The following CDKAL1 variants were observed in gnomAD, a reference collection of about 807,000 sequenced individuals.
CDKAL1 encodes CDKAL1 threonylcarbamoyladenosine tRNA methylthiotransferase.
In CDKAL1, 32 loss-of-function variants were observed where a neutral mutation model predicts 68.2. That is an observed-to-expected ratio of 0.47 (90% CI 0.35 to 0.63). The LOEUF (loss-of-function observed/expected upper bound fraction) is 0.63. Ranked by LOEUF, CDKAL1 falls within the 30% of genes least tolerant of loss-of-function variation. CDKAL1 has a pLI of 0.00. For synonymous variants in CDKAL1, 234 were observed against 244.3 expected (o/e 0.96, Z 0.39); for missense variants, 606 against 696.7 (o/e 0.87, Z 1.47).
intron 4 of CDKAL1, among the ~76,000 whole-genome samples, chr6:20,645,455 G>T (rs1278356543): frequency 1.3e-5 from 2 of 151,994 alleles, no homozygotes; most frequent in African/African-American, 2.4e-5. Context: ...CTTATGGCCA[G>T]GCGCAGTGGC....
At chr6:20,901,125 G>A (rs746071048) in intron 9 of CDKAL1, among the ~76,000 whole-genome samples, 147 of 152,210 alleles carry the variant, frequency 9.7e-4, no homozygotes, top group Non-Finnish European at 1.7e-3. Flanking sequence ...GGCCAGGAGA[G>A]GACAGGAGAA....
chr6:20,746,098 G>A lies in CDKAL1; in HGVS notation c.468+6483G>A, dbSNP rs149264228. Among the ~76,000 whole-genome samples, 489 of 152,258 alleles carry A rather than the reference G, an allele frequency of 3.2e-3. 3 individuals carry two copies. Among genetic ancestry groups the A allele is most frequent in the African/African-American group, 0.011 (454 of 41,556 alleles). ...CCTTTACCCCTCCCCGCTACAGAAA[G>A]TTTAATCGGTATTTTAGTTGCATTT... On this transcript the variant is annotated intron_variant, in intron 6 of 15. Transcript: ENST00000274695.
intron 12 of CDKAL1, among the ~76,000 whole-genome samples, chr6:21,094,100 G>A (rs79960249): frequency 0.025 from 3,825 of 152,076 alleles, 160 homozygotes; most frequent in African/African-American, 0.087. Context: ...ATATAATTAG[G>A]TATTACTTGG....
intron 5 of CDKAL1, among the ~76,000 whole-genome samples, chr6:20,729,699 C>T (rs62397654): frequency 0.041 from 6,271 of 152,230 alleles, 140 homozygotes; most frequent in Middle Eastern, 0.075. Flanking sequence ...AGTAATTCCC[C>T]TATGGTTATA....
intron 8 of CDKAL1, chr6:20,800,839 C>G (rs531540445): frequency 1.3e-5 from 2 of 152,698 alleles, no homozygotes; most frequent in East Asian, 3.9e-4. Flanking sequence ...GTCTTGAACT[C>G]CTGGGCTCAA....
At chr6:20,819,582 T>C (rs1561804259) in intron 8 of CDKAL1, among the ~76,000 whole-genome samples, 6 of 152,174 alleles carry the variant, frequency 3.9e-5, no homozygotes, top group Admixed American at 2.6e-4. Flanking sequence ...AACTAGATGT[T>C]ATCCTAAGAT....
At chr6:20,543,184 C>G (rs1220351437) in intron 2 of CDKAL1, among the ~76,000 whole-genome samples, 1 of 152,118 alleles carries the variant, frequency 6.6e-6, no homozygotes, top group East Asian at 1.9e-4. Flanking sequence ...GATAATTGCC[C>G]AGGAGTACAA....
intron 13 of CDKAL1, among the ~76,000 whole-genome samples, chr6:21,137,315 T>C (rs1775656651): frequency 6.6e-6 from 1 of 152,258 alleles, no homozygotes; most frequent in Non-Finnish European, 1.5e-5. Context: ...TTAATCATAG[T>C]TGATTAACCT....
At chr6:21,057,877 CTGTT>C (rs1239771500) in intron 11 of CDKAL1, among the ~76,000 whole-genome samples, 6 of 152,132 alleles carry the variant, frequency 3.9e-5, no homozygotes, top group Non-Finnish European at 5.9e-5. Context: ...GTCTAAGAGA[CTGTT>C]TGTTATGATT....
At chr6:21,140,657 A>G (rs1436100738) in intron 13 of CDKAL1, among the ~76,000 whole-genome samples, 1 of 152,144 alleles carries the variant, frequency 6.6e-6, no homozygotes, top group South Asian at 2.1e-4. Context: ...GAGATGCTAA[A>G]CATGCTAAAT....
At chr6:20,972,811 G>A (rs1293168992) in intron 10 of CDKAL1, among the ~76,000 whole-genome samples, 1 of 152,172 alleles carries the variant, frequency 6.6e-6, no homozygotes, top group Non-Finnish European at 1.5e-5. Context: ...CATGGGCCTG[G>A]ATGTTCTGCT....
At chr6:20,585,079 C>T (rs575308652) in intron 4 of CDKAL1, among the ~76,000 whole-genome samples, 53 of 130,252 alleles carry the variant, frequency 4.1e-4, no homozygotes, top group African/African-American at 1.4e-3. Context: ...TTTTTTGAGA[C>T]GGAGTCTCGC....
chr6:21,013,473 G>A (rs183792009), intron 11 of CDKAL1, among the ~76,000 whole-genome samples: 2 of 152,204 alleles, frequency 1.3e-5, no homozygotes. Flanking sequence ...CAGAGTAAAC[G>A]AGGTATCTGT....
At chr6:21,078,656 T>C (rs1390677958) in intron 12 of CDKAL1, among the ~76,000 whole-genome samples, 1 of 152,176 alleles carries the variant, frequency 6.6e-6, no homozygotes, top group East Asian at 1.9e-4. Flanking sequence ...GTTCCCAGCA[T>C]ACTTTTATAT....
intron 6 of CDKAL1, among the ~76,000 whole-genome samples, chr6:20,748,902 A>G (rs1773790045): frequency 6.6e-6 from 1 of 151,630 alleles, no homozygotes; most frequent in South Asian, 2.1e-4. Flanking sequence ...TTATTTATTT[A>G]TATACAATCA....
intron 8 of CDKAL1, among the ~76,000 whole-genome samples, chr6:20,830,138 G>T (rs1033645781): frequency 2.0e-5 from 3 of 152,122 alleles, no homozygotes. Context: ...TTACAGGTGT[G>T]AGCCACCATG....
intron 9 of CDKAL1, among the ~76,000 whole-genome samples, chr6:20,892,325 T>C (rs1010487977): frequency 6.6e-6 from 1 of 152,216 alleles, no homozygotes; most frequent in Non-Finnish European, 1.5e-5. Context: ...GGACTGTATA[T>C]GGATCCTTAT....
At chr6:20,638,377 T>A (rs1768000275) in intron 4 of CDKAL1, among the ~76,000 whole-genome samples, 1 of 152,154 alleles carries the variant, frequency 6.6e-6, no homozygotes, top group South Asian at 2.1e-4. Context: ...TTGTTGCCCG[T>A]TTTTTTCTAT....
intron 4 of CDKAL1, among the ~76,000 whole-genome samples, chr6:20,625,927 C>G (rs1767411054): frequency 6.6e-6 from 1 of 152,164 alleles, no homozygotes; most frequent in Admixed American, 6.5e-5. Context: ...ATAATGCTGT[C>G]TGCAAGATCT....
Sources: gnomAD v4.1 joint callset for allele counts (sites outside exome capture counted in the v4.1 genomes callset) on GRCh38, gnomAD v4.1.1 for gene constraint, MANE v1.5 for transcripts, NCBI Gene and HGNC (gene_info 2026-07-23, HGNC 2026-07-21) for gene names.